Variants in PLCG2 observed in about 807,000 individuals in gnomAD.
PLCG2 encodes 1-phosphatidylinositol 4,5-bisphosphate phosphodiesterase gamma-2.
A neutral mutation model predicts 175.6 loss-of-function variants in PLCG2; 69 were observed. The observed-to-expected ratio is 0.39, with a 90% CI of 0.32 to 0.48. The LOEUF is 0.48. PLCG2 is among the 20% of genes least tolerant of loss of function. PLCG2 has a pLI of 0.91. For synonymous variants in PLCG2, 827 were observed against 624.0 expected, an observed-to-expected ratio of 1.33 and a Z score of -4.85; for missense variants, 1,798 against 1,650.9, an observed-to-expected ratio of 1.09 and a Z score of -1.54.
rs993811329 is a variant in PLCG2 at position 81,960,917 on chromosome 16, C to G, written c.*2919C>G. On this transcript the variant is annotated 3_prime_UTR_variant, in exon 33 of 33. Coordinates refer to ENST00000564138, the MANE Select transcript of PLCG2 (RefSeq NM_002661.5). Reference sequence around the variant, plus strand: ...ATATTCTTCTCTAAGATTCATCTGCCTGAGAAAATGCCCTTTTCTCACCTT... The same window carrying G: ...ATATTCTTCTCTAAGATTCATCTGCGTGAGAAAATGCCCTTTTCTCACCTT... 2 of 229,142 alleles carry G rather than the reference C, an allele frequency of 8.7e-6. No homozygotes were observed. 14.2% of individuals were successfully genotyped at this position (229,142 alleles called of 1,614,324 possible). A position where few individuals can be genotyped will look rare whatever the true frequency, so the allele number is the denominator to read the frequency against.
intron 1 of PLCG2, among the ~76,000 whole-genome samples, chr16:81,754,596 C>T (rs1909884870): frequency 1.3e-5 from 2 of 149,476 alleles, no homozygotes; most frequent in South Asian, 2.2e-4. Context: ...CACAGTTTGT[C>T]AAGGACCTGG....
At chr16:81,834,608 C>CTGCTGCTGT (rs1905419306) in intron 2 of PLCG2, among the ~76,000 whole-genome samples, 1 of 152,148 alleles carries the variant, frequency 6.6e-6, no homozygotes, top group South Asian at 2.1e-4. Flanking sequence ...GCTGCTGCTG[C>CTGCTGCTGT]TGCTGTTGGG....
chr16:81,916,376 C>T (rs948047451), intron 19 of PLCG2, among the ~76,000 whole-genome samples: 1 of 151,546 alleles, frequency 6.6e-6, no homozygotes, highest in African/African-American at 2.4e-5. Context: ...CAAAAAATGC[C>T]TTTTCTTGAT....
chr16:81,748,117 C>T (rs965581034), intron 1 of PLCG2, among the ~76,000 whole-genome samples: 3 of 152,172 alleles, frequency 2.0e-5, no homozygotes, highest in South Asian at 2.1e-4. Context: ...TCAGATGATC[C>T]GCCCACCTCG....
At chr16:81,777,295 A>G (rs563367277), upstream of PLCG2, among the ~76,000 whole-genome samples, 14 of 152,274 alleles carry the variant, frequency 9.2e-5, no homozygotes, top group Non-Finnish European at 1.5e-4. Flanking sequence ...AAGAGACTTA[A>G]CCCACTCCCC....
At position 81,779,313 on chromosome 16, in the gene PLCG2, G is replaced by T. The variant is rs558209120; in HGVS notation, c.-159G>T. ...AGCAGAAGTAGCGAGCGCCGGCGGC[G>T]GAGGGCGTGAGCGGCGCTGAGTGAC... On this transcript the variant is annotated 5_prime_UTR_variant, in exon 1 of 33. Coordinates refer to ENST00000564138, the MANE Select transcript of PLCG2 (RefSeq NM_002661.5). 6.6e-6 allele frequency: 1 copy of T among 150,656 alleles called. No individual in the cohort carries two copies. The highest frequency in any genetic ancestry group is 1.5e-5 in the Non-Finnish European group (1 of 67,524). The allele number at this position is 150,656 out of a possible 1,614,324, so 9.3% of individuals were successfully genotyped here. A position where few individuals can be genotyped will look rare whatever the true frequency, so the allele number is the denominator to read the frequency against.
rs756379381 is a variant in PLCG2 at position 81,900,726 on chromosome 16, C to T, written c.1308C>T (p.Ala436=). 1.2e-6 allele frequency: 2 copies of T among 1,611,708 alleles called. No individual in the cohort carries two copies. Among genetic ancestry groups the T allele is most frequent in the African/African-American group, 2.7e-5 (2 of 75,032 alleles). ...TGCTGTTGACGAAGCCCACGGAGGCCAGTGCTGACCAGCTGCCCTCGCCCA... is the reference window on the plus strand; with the variant it reads ...TGCTGTTGACGAAGCCCACGGAGGCTAGTGCTGACCAGCTGCCCTCGCCCA... ...GDLLLTKPTE[A]SADQLPSPSQ... is the part of the protein sequence containing the mutation. The change falls in exon 14 of 33, where the codon GCC becomes GCT. Residue 436 remains alanine (A), a synonymous_variant. Coordinates refer to ENST00000564138, the MANE Select transcript of PLCG2 (RefSeq NM_002661.5).
intron 1 of PLCG2, among the ~76,000 whole-genome samples, chr16:81,753,530 T>G (rs1909857891): frequency 6.6e-6 from 1 of 152,022 alleles, no homozygotes; most frequent in African/African-American, 2.4e-5. Flanking sequence ...GCGATTCTCC[T>G]GTATCAGCCT....
chr16:81,789,574 C>T (rs917421239), intron 2 of PLCG2, among the ~76,000 whole-genome samples: 3 of 152,246 alleles, frequency 2.0e-5, no homozygotes, highest in Non-Finnish European at 4.4e-5. Flanking sequence ...CAGACAGGAA[C>T]TACCATGCCC....
At chr16:81,800,013 A>G (rs1447117255) in intron 2 of PLCG2, among the ~76,000 whole-genome samples, 1 of 152,206 alleles carries the variant, frequency 6.6e-6, no homozygotes, top group Non-Finnish European at 1.5e-5. Flanking sequence ...TATGCCACTT[A>G]TCCCATTTGT....
At chr16:81,797,772 T>G (rs1911537231) in intron 2 of PLCG2, among the ~76,000 whole-genome samples, 1 of 152,178 alleles carries the variant, frequency 6.6e-6, no homozygotes, top group Non-Finnish European at 1.5e-5. Flanking sequence ...TCCTGGCACT[T>G]AGTGACTGTG....
intron 23 of PLCG2, among the ~76,000 whole-genome samples, chr16:81,927,767 A>T (rs779828422): frequency 3.3e-5 from 5 of 152,170 alleles, no homozygotes; most frequent in Non-Finnish European, 7.3e-5. Flanking sequence ...TCCTGGAGGA[A>T]GGAGTATTTG....
intron 2 of PLCG2, among the ~76,000 whole-genome samples, chr16:81,772,366 A>C (rs777535140): frequency 9.9e-5 from 15 of 152,112 alleles, no homozygotes; most frequent in Non-Finnish European, 1.9e-4. Context: ...TGCTGCTGGC[A>C]CCTTGCATTC....
intron 13 of PLCG2, chr16:81,898,132 T>C: frequency 4.3e-6 from 1 of 231,846 alleles, no homozygotes; most frequent in South Asian, 4.6e-5. Context: ...GTGCTTATGG[T>C]TGTGAGCTGA....
At chr16:81,942,055 T>A (rs1008584372) in intron 30 of PLCG2, among the ~76,000 whole-genome samples, 4 of 152,198 alleles carry the variant, frequency 2.6e-5, no homozygotes, top group Admixed American at 2.6e-4. Flanking sequence ...TTGGTACACC[T>A]TTACGTTCCT....
intron 2 of PLCG2, among the ~76,000 whole-genome samples, chr16:81,821,741 G>A (rs978319465): frequency 3.9e-5 from 6 of 152,168 alleles, no homozygotes; most frequent in African/African-American, 1.2e-4. Flanking sequence ...ATCTTTCTCC[G>A]CTAACTTGCC....
At chr16:81,872,433 G>C (rs1325314022) in intron 7 of PLCG2, among the ~76,000 whole-genome samples, 1 of 152,216 alleles carries the variant, frequency 6.6e-6, no homozygotes, top group Non-Finnish European at 1.5e-5. Context: ...TTGATTTTGT[G>C]TGTGTGTGCT....
At position 81,942,918 on chromosome 16, in the gene PLCG2, A is replaced by T. The variant is rs929366378; in HGVS notation, c.3481+2859A>T. On this transcript the variant is annotated intron_variant, in intron 30 of 32. Coordinates refer to ENST00000564138, the MANE Select transcript of PLCG2 (RefSeq NM_002661.5). ...AGAAACAAGAAGAAGAAAAACAATT[A>T]TTTTTTTTTTTTTTATACAAGGAGG... is the stretch of plus-strand genomic sequence containing the variant. 1.5e-4 allele frequency among the ~76,000 whole-genome samples: 22 copies of T among 148,060 alleles called. No homozygotes were observed. The East Asian group carries it at 2.2e-3, about 15-fold the overall frequency.
chr16:81,827,374 A>G (rs1397848416), intron 2 of PLCG2, among the ~76,000 whole-genome samples: 2 of 150,996 alleles, frequency 1.3e-5, no homozygotes, highest in African/African-American at 4.9e-5. Context: ...TTTTTGGTAG[A>G]GCTGGGGTTT....
Sources: gnomAD v4.1 joint callset for allele counts (sites outside exome capture counted in the v4.1 genomes callset) on GRCh38, gnomAD v4.1.1 for gene constraint, MANE v1.5 for transcripts, NCBI Gene and HGNC (gene_info 2026-07-23, HGNC 2026-07-21) for gene names.